The following SOS2 variants were observed in gnomAD, a reference collection of about 807,000 sequenced individuals.
The protein encoded by SOS2 is son of sevenless homolog 2.
SOS2 carries 65 observed loss-of-function variants against 148.2 expected under a neutral mutation model. That is an observed-to-expected ratio of 0.44 (90% CI 0.36 to 0.54). The LOEUF is 0.54. SOS2 is among the 20% of genes least tolerant of loss of function. The pLI, the probability that SOS2 is intolerant of heterozygous loss-of-function variation, is 0.00. For missense variants in SOS2, 1,341 were observed against 1,590.2 expected (o/e 0.84, Z 2.67); for synonymous variants, 539 against 537.1 (o/e 1.00, Z -0.05).
In SOS2 at chr14:50,159,789, T is replaced by G; in HGVS notation, c.1494A>C (p.Gln498His). Residue 498 changes from glutamine to histidine, a missense_variant, in exon 10 of 23, where the codon CAA becomes CAC. Coordinates refer to ENST00000216373, the MANE Select transcript of SOS2 (RefSeq NM_006939.4). ...LKEKFVMRKI[Q>H]ICDKEDTCEH... Reference sequence around the variant, plus strand: ...CACAAGTATCTTCTTTATCACAAATTTGTATTTTCCTCATGACAAATTTTT... The same window carrying G: ...CACAAGTATCTTCTTTATCACAAATGTGTATTTTCCTCATGACAAATTTTT... 6.2e-7 allele frequency: 1 copy of G among 1,614,152 alleles called. No individual in the cohort carries two copies. Among genetic ancestry groups the G allele is most frequent in the Non-Finnish European group, 8.5e-7 (1 of 1,179,992 alleles).
At chr14:50,178,991 C>T (rs959847756) in intron 7 of SOS2, among the ~76,000 whole-genome samples, 1 of 152,060 alleles carries the variant, frequency 6.6e-6, no homozygotes, top group African/African-American at 2.4e-5. Context: ...CCACCCACCT[C>T]AGCCTCCCAA....
chr14:50,219,039 G>T (rs1405958381), intron 1 of SOS2, among the ~76,000 whole-genome samples: 1 of 151,956 alleles, frequency 6.6e-6, no homozygotes, highest in Non-Finnish European at 1.5e-5. Context: ...CTTGAACCCG[G>T]GAAGCGGAGG....
At chr14:50,221,247 T>G (rs1459862492) in intron 1 of SOS2, among the ~76,000 whole-genome samples, 1 of 152,180 alleles carries the variant, frequency 6.6e-6, no homozygotes, top group Non-Finnish European at 1.5e-5. Context: ...AATAATTGCT[T>G]TTTTTCCCCT....
At chr14:50,205,686 C>T (rs563103173) in intron 1 of SOS2, among the ~76,000 whole-genome samples, 2 of 152,082 alleles carry the variant, frequency 1.3e-5, no homozygotes, top group Non-Finnish European at 2.9e-5. Context: ...AATCCCAGCA[C>T]TTTGGGAGGC....
At chr14:50,201,310 A>G (rs1199250869) in intron 2 of SOS2, among the ~76,000 whole-genome samples, 3 of 152,068 alleles carry the variant, frequency 2.0e-5, no homozygotes, top group Non-Finnish European at 4.4e-5. Flanking sequence ...AGGCAGGTGG[A>G]TCACTTGAGC....
chr14:50,139,483 C>G (rs1884197981), intron 17 of SOS2, among the ~76,000 whole-genome samples: 1 of 152,118 alleles, frequency 6.6e-6, no homozygotes, highest in Non-Finnish European at 1.5e-5. Flanking sequence ...CACGACAGCC[C>G]ATCACAACAA....
At chr14:50,126,420 A>G (rs535219790) in intron 21 of SOS2, among the ~76,000 whole-genome samples, 3 of 152,304 alleles carry the variant, frequency 2.0e-5, no homozygotes, top group East Asian at 1.9e-4. Flanking sequence ...TATGCAACTT[A>G]GCTGATTTGA....
At chr14:50,164,756 G>C (rs1248390475) in intron 8 of SOS2, among the ~76,000 whole-genome samples, 2 of 152,164 alleles carry the variant, frequency 1.3e-5, no homozygotes, top group East Asian at 1.9e-4. Flanking sequence ...TATCCACCCG[G>C]TGAATTTAGC....
At chr14:50,208,532 C>T (rs1271819325) in intron 1 of SOS2, among the ~76,000 whole-genome samples, 1 of 151,996 alleles carries the variant, frequency 6.6e-6, no homozygotes, top group Admixed American at 6.6e-5. Flanking sequence ...CCTGTAGTCC[C>T]AGCTACTCGG....
At position 50,118,417 on chromosome 14, in the gene SOS2, G is replaced by A; in HGVS notation, c.3926C>T (p.Thr1309Ile). 1 of 1,614,174 alleles carries A rather than the reference G, an allele frequency of 6.2e-7. No individual in the cohort carries two copies. The highest frequency in any genetic ancestry group is 2.2e-5 in the East Asian group (1 of 44,886). ...GGGGTGCGAAAGCTCCCGTTTGTAAGTCTTTGGTGGCAGTTTTGGCAGATG... is the reference window on the plus strand; with the variant it reads ...GGGGTGCGAAAGCTCCCGTTTGTAAATCTTTGGTGGCAGTTTTGGCAGATG... ...SPHLPKLPPK[T>I]YKRELSHPPL... Residue 1309 changes from threonine to isoleucine, a missense_variant, in exon 23 of 23, where the codon ACT becomes ATT. Around this residue, in one of 4 missense-constraint regions of SOS2, gnomAD observed 354 missense variants for 347.7 expected, o/e 1.02. Coordinates refer to ENST00000216373, the MANE Select transcript of SOS2 (RefSeq NM_006939.4).
chr14:50,226,524 T>C (rs1887382568), intron 1 of SOS2, among the ~76,000 whole-genome samples: 1 of 152,216 alleles, frequency 6.6e-6, no homozygotes, highest in Non-Finnish European at 1.5e-5. Context: ...TCTTTTTCCT[T>C]GCCGTAGACT....
rs201836422 is a variant in SOS2, at chr14:50,192,143, CAAAAAAAAAAAAAAAAAA to C, written c.511-3461_511-3444del. On this transcript the variant is annotated intron_variant, in intron 4 of 22. Transcript: ENST00000216373. ...CTCCGGCTTAGGTGAGTCCTTGTCA[CAAAAAAAAAAAAAAAAAA>C]AAAAAAAAAAAAAAAGGAGCGAGCA... Among the ~76,000 whole-genome samples, 323 of 118,872 alleles carry C rather than the reference CAAAAAAAAAAAAAAAAAA, an allele frequency of 2.7e-3. 1 individual carries two copies. The highest frequency in any genetic ancestry group is 3.4e-3 in the Non-Finnish European group (205 of 59,860). The allele number at this position is 118,872 out of a possible 152,430, so 78.0% of individuals were successfully genotyped here.
chr14:50,202,362 T>G (rs562658752), intron 2 of SOS2, among the ~76,000 whole-genome samples: 3 of 152,304 alleles, frequency 2.0e-5, no homozygotes, highest in African/African-American at 7.2e-5. Context: ...TTTCCTATAT[T>G]TATAGTTATA....
intron 1 of SOS2, among the ~76,000 whole-genome samples, chr14:50,212,806 C>G (rs1047149970): frequency 6.6e-6 from 1 of 152,054 alleles, no homozygotes; most frequent in African/African-American, 2.4e-5. Context: ...TCCTACAAGA[C>G]TGGGAGGACA....
intron 12 of SOS2, chr14:50,155,853 T>C (rs1294769848): frequency 6.6e-6 from 1 of 152,068 alleles, no homozygotes; most frequent in Admixed American, 6.6e-5. Flanking sequence ...TATCAAGGGA[T>C]TTAATGTGAT....
chr14:50,171,470 G>A (rs2139668704), intron 8 of SOS2, among the ~76,000 whole-genome samples: 1 of 152,066 alleles, frequency 6.6e-6, no homozygotes, highest in Non-Finnish European at 1.5e-5. Context: ...CAGATCATGA[G>A]GTCAAGAGAT....
In SOS2 at chr14:50,153,507, T is replaced by C. The variant is rs531737661; in HGVS notation, c.2058-334A>G. Among the ~76,000 whole-genome samples the C allele has an allele frequency of 6.2e-4, 95 of 152,328 alleles. 1 individual carries two copies. The highest frequency in any genetic ancestry group is 2.1e-3 in the African/African-American group (88 of 41,586). The stretch of plus-strand genomic sequence containing the variant: ...CTATATTACAAAAGCTATTTTAAGT[T>C]CATAAAAAGCATTTTTAAGATTTAA... On this transcript the variant is annotated intron_variant, in intron 12 of 22. Coordinates refer to ENST00000216373, the MANE Select transcript of SOS2 (RefSeq NM_006939.4).
At chr14:50,182,206 A>AT (rs1420199140) in intron 6 of SOS2, among the ~76,000 whole-genome samples, 15 of 151,994 alleles carry the variant, frequency 9.9e-5, no homozygotes, top group African/African-American at 3.4e-4. Flanking sequence ...TTACAAAAAA[A>AT]TTTTGTTTTT....
chr14:50,229,422 A>G (rs183477983), intron 1 of SOS2, among the ~76,000 whole-genome samples: 59 of 152,250 alleles, frequency 3.9e-4, no homozygotes, highest in Non-Finnish European at 7.5e-4. Flanking sequence ...CAGGAAAACA[A>G]GCACAATATA....
Sources: gnomAD v4.1 joint callset for allele counts (sites outside exome capture counted in the v4.1 genomes callset) on GRCh38, gnomAD v4.1.1 for gene constraint, gnomAD v4.1.1 regional missense constraint, MANE v1.5 for transcripts, NCBI Gene and HGNC (gene_info 2026-07-23, HGNC 2026-07-21) for gene names.